ITSN1: variants seen among roughly 807,000 people sequenced by gnomAD.
ITSN1 encodes the protein intersectin 1, also known as intersectin-1.
A neutral mutation model predicts 239.8 loss-of-function variants in ITSN1; 58 were observed. That is an observed-to-expected ratio of 0.24 (90% CI 0.20 to 0.30). The LOEUF is 0.30. Ranked by LOEUF, ITSN1 falls within the 10% of genes least tolerant of loss-of-function variation. The pLI is 1.00. For synonymous variants in ITSN1, 780 were observed against 770.8 expected (o/e 1.01, Z -0.20); for missense variants, 1,558 against 2,103.3 (o/e 0.74, Z 5.07).
At chr21:33,682,466 C>T (rs1481773442) in intron 1 of ITSN1, among the ~76,000 whole-genome samples, 1 of 151,236 alleles carries the variant, frequency 6.6e-6, no homozygotes, top group African/African-American at 2.5e-5. Context: ...CCACCCGCCT[C>T]GGCCTCCCAA....
chr21:33,885,232 G>C, intron 37 of ITSN1, 109 bp downstream of exon 37: 1 of 1,075,130 alleles, frequency 9.3e-7, no homozygotes, highest in Non-Finnish European at 1.4e-6. Flanking sequence ...TAGAGGAGGG[G>C]CATGGAATGA....
intron 8 of ITSN1, among the ~76,000 whole-genome samples, chr21:33,756,129 G>A (rs1015601154): frequency 2.0e-5 from 3 of 151,720 alleles, no homozygotes; most frequent in African/African-American, 7.3e-5. Flanking sequence ...GGCCAACATG[G>A]TCTCTACTAA....
intron 8 of ITSN1, among the ~76,000 whole-genome samples, chr21:33,759,903 C>T (rs1479929485): frequency 6.6e-6 from 1 of 151,996 alleles, no homozygotes; most frequent in Non-Finnish European, 1.5e-5. Flanking sequence ...AGTTCGAGAC[C>T]AGCTTGGCCA....
intron 1 of ITSN1, among the ~76,000 whole-genome samples, chr21:33,667,891 A>G (rs1476302989): frequency 2.6e-5 from 4 of 152,078 alleles, no homozygotes; most frequent in Non-Finnish European, 5.9e-5. Flanking sequence ...GGTGGCAGTG[A>G]TTGTGAGGTG....
Position 33,802,321 on chromosome 21 carries a change from TA to T in ITSN1, c.2305-107del. On this transcript the variant is annotated intron_variant, in intron 19 of 39. Coordinates refer to ENST00000381318, the MANE Select transcript of ITSN1 (RefSeq NM_003024.3). ...AAACCTTTTCCTCGAATTGGCTAGTTAACCACCAGCTTGATGAGATGCGTAG... is the reference window on the plus strand; with the variant it reads ...AAACCTTTTCCTCGAATTGGCTAGTTACCACCAGCTTGATGAGATGCGTAG... 2.7e-6 allele frequency: 3 copies of T among 1,101,766 alleles called. No homozygotes were observed. The South Asian group carries it at 4.3e-5, about 16-fold the overall frequency. 68.2% of individuals were successfully genotyped at this position (1,101,766 alleles called of 1,614,324 possible).
intron 9 of ITSN1, 57 bp downstream of exon 9, chr21:33,762,043 T>G: frequency 7.9e-7 from 1 of 1,259,096 alleles, no homozygotes. Flanking sequence ...TAGATTGGTG[T>G]GGCCTCATGG....
chr21:33,767,100 G>A (rs1316395702), intron 10 of ITSN1, among the ~76,000 whole-genome samples: 5 of 152,074 alleles, frequency 3.3e-5, no homozygotes, highest in Non-Finnish European at 5.9e-5. Context: ...CCCAGGAGGC[G>A]GAGGTTGCAG....
At chr21:33,803,914 A>G (rs2072207102) in intron 20 of ITSN1, among the ~76,000 whole-genome samples, 1 of 152,212 alleles carries the variant, frequency 6.6e-6, no homozygotes, top group Non-Finnish European at 1.5e-5. Flanking sequence ...TTGTACTACA[A>G]AATGCATTGT....
intron 25 of ITSN1, 130 bp downstream of exon 25, chr21:33,823,783 A>T (rs1461651896): frequency 1.2e-6 from 1 of 832,458 alleles, no homozygotes. Context: ...ATCCAGTGTG[A>T]CCTGTCATTG....
In ITSN1 at chr21:33,888,143, T is replaced by C. The variant is rs536176120; in HGVS notation, c.5018-9T>C. ...CCCTCTTAGGAGGGTCTGTTTGTTC[T>C]CTTTTCAGATTTTTTGGGTCGGACG... On this transcript the variant is annotated splice_polypyrimidine_tract_variant and intron_variant, in intron 39 of 39. Coordinates refer to ENST00000381318, the MANE Select transcript of ITSN1 (RefSeq NM_003024.3). 37 of 1,613,970 alleles carry C rather than the reference T, an allele frequency of 2.3e-5. No homozygotes were observed. In the South Asian group the frequency reaches 4.0e-4, roughly 17 times the overall value.
chr21:33,698,554 G>A (rs1011638441), intron 1 of ITSN1, among the ~76,000 whole-genome samples: 1 of 152,124 alleles, frequency 6.6e-6, no homozygotes, highest in Non-Finnish European at 1.5e-5. Context: ...TCCCTTTTAG[G>A]TCATCTTGTT....
intron 33 of ITSN1, among the ~76,000 whole-genome samples, chr21:33,874,148 C>A: frequency 7.3e-6 from 1 of 137,038 alleles, no homozygotes; most frequent in Non-Finnish European, 1.6e-5. Context: ...AAGAGCAAAA[C>A]TCCGTCTCAA....
Position 33,829,748 on chromosome 21 carries a change from C to A in ITSN1, c.3351+3C>A. The A allele has an allele frequency of 1.2e-6, 2 of 1,613,426 alleles. No homozygotes were observed. The highest frequency in any genetic ancestry group is 2.2e-5 in the South Asian group (2 of 90,996). On this transcript the variant is annotated splice_donor_region_variant and intron_variant, in intron 27 of 39. Coordinates refer to ENST00000381318, the MANE Select transcript of ITSN1 (RefSeq NM_003024.3). ...GATGGTGGGAAGGAGAGCTGCAAGT[C>A]AGTGTCTTTTTTGTTTATTTACAAT...
At position 33,809,478 on chromosome 21, in the gene ITSN1, A is replaced by G. The variant is rs368820914; in HGVS notation, c.2320-1497A>G. Among the ~76,000 whole-genome samples the G allele has an allele frequency of 2.1e-3, 321 of 152,298 alleles. 2 individuals are homozygous for G. The highest frequency in any genetic ancestry group is 2.1e-3 in the Non-Finnish European group (145 of 68,012). ...AACATTTGTTAATTCAAATAAGCTA[A>G]TAAGTATTGAACCCTATTACTCACT... On this transcript the variant is annotated intron_variant, in intron 20 of 39. Coordinates refer to ENST00000381318, the MANE Select transcript of ITSN1 (RefSeq NM_003024.3).
chr21:33,757,090 A>G (rs2067977223), intron 8 of ITSN1: 1 of 152,190 alleles, frequency 6.6e-6, no homozygotes, highest in African/African-American at 2.4e-5. Flanking sequence ...TTAATAGCAT[A>G]TTTTTAAGTA....
At chr21:33,671,752 A>G (rs1026666280) in intron 1 of ITSN1, among the ~76,000 whole-genome samples, 31 of 151,606 alleles carry the variant, frequency 2.0e-4, no homozygotes, top group African/African-American at 5.3e-4. Flanking sequence ...AGATTGCGCC[A>G]TTGCACTCCA....
In ITSN1 at chr21:33,876,981, T is replaced by C. The variant is rs1833795021; in HGVS notation, c.4341+1460T>C. On this transcript the variant is annotated intron_variant, in intron 34 of 39. Coordinates refer to ENST00000381318, the MANE Select transcript of ITSN1 (RefSeq NM_003024.3). ...GTCTGTTGTTTCTGCCAGCTCTTGC[T>C]AAACTTACTACCTTGTTTCTTGTAT... Among the ~76,000 whole-genome samples the C allele has an allele frequency of 3.3e-5, 5 of 152,034 alleles. No individual in the cohort carries two copies. In the South Asian group the frequency reaches 1.0e-3, roughly 32 times the overall value.
At chr21:33,687,494 T>TATTTGAG (rs1272048843) in intron 1 of ITSN1, among the ~76,000 whole-genome samples, 3 of 151,792 alleles carry the variant, frequency 2.0e-5, no homozygotes, top group African/African-American at 7.3e-5. Context: ...ATCTGAAATG[T>TATTTGAG]ATTTGAGTTT....
At chr21:33,870,507 T>C (rs12483337) in intron 33 of ITSN1, among the ~76,000 whole-genome samples, 5 of 152,268 alleles carry the variant, frequency 3.3e-5, no homozygotes, top group African/African-American at 1.2e-4. Context: ...GAGATACATA[T>C]GAAATCTGCT....
Sources: allele counts gnomAD v4.1 joint callset (sites outside exome capture counted in the v4.1 genomes callset), GRCh38; gene constraint gnomAD v4.1.1; transcripts MANE v1.5; gene names NCBI Gene and HGNC (gene_info 2026-07-23, HGNC 2026-07-21).